CSMD1: variants seen among roughly 807,000 people sequenced by gnomAD.
The protein encoded by CSMD1 is CUB and Sushi multiple domains 1, also known as CUB and sushi domain-containing protein 1.
CSMD1 carries 213 observed loss-of-function variants against 417.5 expected under a neutral mutation model. That is an observed-to-expected ratio of 0.51 (90% CI 0.46 to 0.57). The LOEUF is 0.57. Ranked by LOEUF, CSMD1 falls within the 20% of genes least tolerant of loss-of-function variation. The probability of loss-of-function intolerance (pLI) is 0.00; values close to 1 mark genes in which losing one functional copy is unlikely to be tolerated. For synonymous variants in CSMD1, 2,862 were observed against 1,736.8 expected (o/e 1.65, Z -16.11); for missense variants, 6,923 against 4,529.7 (o/e 1.53, Z -15.17).
intron 2 of CSMD1, among the ~76,000 whole-genome samples, chr8:4,494,601 A>T (rs905363362): frequency 1.3e-5 from 2 of 152,188 alleles, no homozygotes; most frequent in Non-Finnish European, 1.5e-5. Context: ...TTCACAAATT[A>T]CACTAACTAT....
At chr8:4,401,860 C>CA (rs1554462564) in intron 3 of CSMD1, among the ~76,000 whole-genome samples, 1 of 152,084 alleles carries the variant, frequency 6.6e-6, no homozygotes, top group Non-Finnish European at 1.5e-5. Context: ...ACTTTCCCCC[C>CA]AAATTCCCAG....
rs555637707 is a variant in CSMD1, at chr8:3,563,981, A to T, written c.1344+10964T>A. 8.5e-5 allele frequency among the ~76,000 whole-genome samples: 13 copies of T among 152,188 alleles called. No homozygotes were observed. In the South Asian group the frequency reaches 2.7e-3, roughly 32 times the overall value. ...ATTCTTTTGGGTACATTCTGAGTAT[A>T]CGATCATTAAAGTTCTGTCTTTTTA... On this transcript the variant is annotated intron_variant, in intron 10 of 69. Coordinates refer to ENST00000635120, the MANE Select transcript of CSMD1 (RefSeq NM_033225.6).
intron 7 of CSMD1, among the ~76,000 whole-genome samples, chr8:3,665,409 A>G (rs548482692): frequency 2.2e-4 from 33 of 152,220 alleles, no homozygotes; most frequent in African/African-American, 7.5e-4. Context: ...TGCACCAGTA[A>G]TACCAGCTAC....
intron 5 of CSMD1, among the ~76,000 whole-genome samples, chr8:3,842,964 G>C (rs1234813761): frequency 2.6e-5 from 4 of 152,258 alleles, no homozygotes; most frequent in South Asian, 2.1e-4. Context: ...GTCAACATTA[G>C]CTCACTCAAT....
chr8:3,859,152 T>C (rs948480636), intron 5 of CSMD1, among the ~76,000 whole-genome samples: 2 of 152,190 alleles, frequency 1.3e-5, no homozygotes, highest in East Asian at 1.9e-4. Flanking sequence ...CACACAGGCA[T>C]AGCACTGTGC....
At chr8:4,695,977 G>A (rs549339040) in intron 1 of CSMD1, among the ~76,000 whole-genome samples, 1 of 152,152 alleles carries the variant, frequency 6.6e-6, no homozygotes, top group East Asian at 1.9e-4. Context: ...GTTCCGGAGG[G>A]AGAATGCCTG....
At chr8:4,039,897 T>C (rs1361161767) in intron 3 of CSMD1, among the ~76,000 whole-genome samples, 2 of 152,228 alleles carry the variant, frequency 1.3e-5, no homozygotes, top group Non-Finnish European at 2.9e-5. Context: ...TCTTAGTTTC[T>C]ACATCTTAGA....
chr8:3,605,579 A>AT (rs371494434), intron 8 of CSMD1, among the ~76,000 whole-genome samples: 50 of 152,246 alleles, frequency 3.3e-4, no homozygotes, highest in African/African-American at 1.2e-3. Flanking sequence ...TTATTATGTA[A>AT]TTTTTTTCCT....
intron 1 of CSMD1, among the ~76,000 whole-genome samples, chr8:4,667,757 G>C (rs540501465): frequency 6.6e-6 from 1 of 152,264 alleles, no homozygotes; most frequent in African/African-American, 2.4e-5. Context: ...TAACATTCTT[G>C]TATATTGCTT....
At chr8:4,815,233 T>C (rs763973791) in intron 1 of CSMD1, among the ~76,000 whole-genome samples, 6 of 152,118 alleles carry the variant, frequency 3.9e-5, no homozygotes, top group Non-Finnish European at 8.8e-5. Context: ...AATGATTATT[T>C]GATGAAACCA....
At chr8:3,486,626 C>G (rs1253532913) in intron 11 of CSMD1, among the ~76,000 whole-genome samples, 1 of 152,180 alleles carries the variant, frequency 6.6e-6, no homozygotes, top group African/African-American at 2.4e-5. Flanking sequence ...TGCCTGGAGC[C>G]CAGATTAGCT....
At chr8:3,785,318 A>T (rs1799396714) in intron 5 of CSMD1, among the ~76,000 whole-genome samples, 1 of 152,240 alleles carries the variant, frequency 6.6e-6, no homozygotes, top group Non-Finnish European at 1.5e-5. Flanking sequence ...CAGGCTGCGG[A>T]AAATAAATGC....
intron 50 of CSMD1, among the ~76,000 whole-genome samples, chr8:3,047,271 G>A (rs1338506928): frequency 6.6e-6 from 1 of 150,646 alleles, no homozygotes; most frequent in Non-Finnish European, 1.5e-5. Context: ...ATTTTGCCAG[G>A]CCAAGTTCTC....
intron 41 of CSMD1, among the ~76,000 whole-genome samples, chr8:3,136,808 A>G (rs111958262): frequency 0.033 from 5,027 of 152,238 alleles, 291 homozygotes; most frequent in African/African-American, 0.11. Context: ...ACAATCCCTT[A>G]AAGAAGCCTT....
intron 50 of CSMD1, among the ~76,000 whole-genome samples, chr8:3,040,659 C>A (rs1007234374): frequency 6.6e-6 from 1 of 151,722 alleles, no homozygotes; most frequent in Non-Finnish European, 1.5e-5. Context: ...AAAAATTAGC[C>A]GGGCATGGCG....
chr8:4,474,012 C>T (rs562246809), intron 2 of CSMD1, among the ~76,000 whole-genome samples: 26 of 152,112 alleles, frequency 1.7e-4, no homozygotes, highest in African/African-American at 5.3e-4. Flanking sequence ...CAGAAAGACC[C>T]AATCCATTAA....
chr8:3,763,052 G>A (rs549750206), intron 5 of CSMD1, among the ~76,000 whole-genome samples: 12 of 152,234 alleles, frequency 7.9e-5, no homozygotes, highest in East Asian at 3.9e-4. Context: ...TCATTTTTGC[G>A]AGATTGAAGC....
intron 10 of CSMD1, among the ~76,000 whole-genome samples, chr8:3,564,324 T>A (rs6996201): frequency 0.35 from 52,830 of 151,886 alleles, 9,506 homozygotes; most frequent in African/African-American, 0.44. Flanking sequence ...CCAGGATGTT[T>A]TTTGAATGTT....
chr8:4,065,855 C>T (rs553972436), intron 3 of CSMD1, among the ~76,000 whole-genome samples: 1 of 152,152 alleles, frequency 6.6e-6, no homozygotes, highest in Non-Finnish European at 1.5e-5. Flanking sequence ...CACACACACC[C>T]AAAGTTTTCC....
Sources: allele counts gnomAD v4.1 joint callset (sites outside exome capture counted in the v4.1 genomes callset), GRCh38; gene constraint gnomAD v4.1.1; transcripts MANE v1.5; gene names NCBI Gene and HGNC (gene_info 2026-07-23, HGNC 2026-07-21).